The following LRRC4C variants were observed in gnomAD, a reference collection of about 807,000 sequenced individuals.
LRRC4C encodes the protein leucine rich repeat containing 4C.
A neutral mutation model predicts 33.6 loss-of-function variants in LRRC4C; 5 were observed. The observed-to-expected ratio is 0.15, with a 90% CI of 0.08 to 0.31. LRRC4C has a LOEUF of 0.31. Ranked by LOEUF, LRRC4C falls within the 10% of genes least tolerant of loss-of-function variation. The probability of loss-of-function intolerance (pLI) is 1.00; values close to 1 mark genes in which losing one functional copy is unlikely to be tolerated. For missense variants in LRRC4C, 560 were observed against 796.7 expected (o/e 0.70, Z 3.58); for synonymous variants, 329 against 302.0 (o/e 1.09, Z -0.93).
intron 2 of LRRC4C, among the ~76,000 whole-genome samples, chr11:40,924,615 GTA>G (rs1160144546): frequency 6.6e-6 from 1 of 152,072 alleles, no homozygotes; most frequent in Non-Finnish European, 1.5e-5. Context: ...AATTTGCCAT[GTA>G]CCTCAAATTA....
At chr11:40,301,245 T>A (rs963258333) in intron 4 of LRRC4C, among the ~76,000 whole-genome samples, 1 of 152,212 alleles carries the variant, frequency 6.6e-6, no homozygotes, top group African/African-American at 2.4e-5. Flanking sequence ...GGCCTTCAAC[T>A]CAGTTATCTT....
chr11:40,974,723 A>C (rs919881350), intron 1 of LRRC4C, among the ~76,000 whole-genome samples: 2 of 152,190 alleles, frequency 1.3e-5, no homozygotes, highest in Non-Finnish European at 2.9e-5. Context: ...GATTCAGTGG[A>C]CTAAGTGGGG....
rs1436933175 is a variant in LRRC4C, at chr11:40,218,627, TATGTATG to T, written c.-96+22885_-96+22891del. On this transcript the variant is annotated intron_variant, in intron 5 of 6. Coordinates refer to ENST00000528697, the MANE Select transcript of LRRC4C (RefSeq NM_001258419.2). ...GTATGTATGTATGTATGTATGTATG[TATGTATG>T]TATCTATTTATCTATCTATCATCTA... Among the ~76,000 whole-genome samples, 869 of 143,808 alleles carry T rather than the reference TATGTATG, an allele frequency of 6.0e-3. 19 individuals are homozygous for T. Among genetic ancestry groups the T allele is most frequent in the African/African-American group, 0.022 (796 of 36,398 alleles). 94.3% of individuals were successfully genotyped at this position (143,808 alleles called of 152,430 possible).
intron 3 of LRRC4C, among the ~76,000 whole-genome samples, chr11:40,598,591 T>TC (rs1959625068): frequency 6.6e-6 from 1 of 152,192 alleles, no homozygotes; most frequent in South Asian, 2.1e-4. Flanking sequence ...CTCTGTGCTA[T>TC]CCTCACAATA....
intron 1 of LRRC4C, among the ~76,000 whole-genome samples, chr11:41,081,666 G>C (rs1832880246): frequency 1.3e-5 from 2 of 152,038 alleles, no homozygotes; most frequent in Admixed American, 1.3e-4. Flanking sequence ...TTTTCTTAAA[G>C]TTGCATTTAC....
At chr11:41,456,566 G>A (rs1009096546) in intron 1 of LRRC4C, among the ~76,000 whole-genome samples, 4 of 152,050 alleles carry the variant, frequency 2.6e-5, no homozygotes, top group Non-Finnish European at 4.4e-5. Flanking sequence ...GAGAAGAAAC[G>A]GAATGTCCTT....
intron 3 of LRRC4C, among the ~76,000 whole-genome samples, chr11:40,506,844 G>T (rs10837429): frequency 0.18 from 27,581 of 151,798 alleles, 3,086 homozygotes; most frequent in African/African-American, 0.32. Context: ...ATTTATTTTA[G>T]GTTTAAGGTG....
intron 1 of LRRC4C, among the ~76,000 whole-genome samples, chr11:40,934,387 AT>A (rs1418074186): frequency 6.6e-6 from 1 of 152,058 alleles, no homozygotes; most frequent in Non-Finnish European, 1.5e-5. Flanking sequence ...CATGGAAAAT[AT>A]TTTATCTGCA....
chr11:41,443,089 A>ATTTTTTTTTTTTTTTTTT, intron 1 of LRRC4C, among the ~76,000 whole-genome samples: 10 of 105,994 alleles, frequency 9.4e-5, no homozygotes, highest in East Asian at 3.0e-4. Flanking sequence ...TGTTTGCTTC[A>ATTTTTTTTTTTTTTTTTT]TTTTTTTTTT....
intron 3 of LRRC4C, among the ~76,000 whole-genome samples, chr11:40,538,788 C>A (rs902878127): frequency 2.6e-5 from 4 of 152,164 alleles, no homozygotes; most frequent in African/African-American, 9.7e-5. Flanking sequence ...TATTTCTCCA[C>A]GTCCTCTGCA....
At chr11:41,020,797 C>T (rs1855909388) in intron 1 of LRRC4C, among the ~76,000 whole-genome samples, 3 of 152,150 alleles carry the variant, frequency 2.0e-5, no homozygotes, top group Admixed American at 2.0e-4. Flanking sequence ...GTTGGGACTT[C>T]CAAGTTGCTT....
At chr11:40,668,619 A>G (rs1452550428) in intron 2 of LRRC4C, among the ~76,000 whole-genome samples, 2 of 152,192 alleles carry the variant, frequency 1.3e-5, no homozygotes, top group Non-Finnish European at 2.9e-5. Context: ...TACCTGAGCA[A>G]AGCTCTGTTT....
intron 1 of LRRC4C, among the ~76,000 whole-genome samples, chr11:41,333,550 A>G (rs1269903831): frequency 1.3e-5 from 2 of 152,206 alleles, no homozygotes; most frequent in African/African-American, 4.8e-5. Flanking sequence ...CTAAAATTCA[A>G]GAGTATGGAA....
At chr11:40,773,906 G>A (rs1949868874) in intron 2 of LRRC4C, among the ~76,000 whole-genome samples, 1 of 151,766 alleles carries the variant, frequency 6.6e-6, no homozygotes, top group Non-Finnish European at 1.5e-5. Context: ...ATGATTCGGT[G>A]GTATATAATA....
chr11:41,281,087 C>A (rs1459367448), intron 1 of LRRC4C, among the ~76,000 whole-genome samples: 2 of 96,754 alleles, frequency 2.1e-5, no homozygotes, highest in African/African-American at 6.8e-5. Context: ...TCCTCTCTCT[C>A]TCTCTCTCTC....
chr11:41,052,948 A>G (rs1242704615), intron 1 of LRRC4C, among the ~76,000 whole-genome samples: 1 of 152,180 alleles, frequency 6.6e-6, no homozygotes, highest in Admixed American at 6.5e-5. Context: ...AGTCCATTAA[A>G]TCTAATTCAG....
chr11:40,606,852 A>G (rs953108964), intron 3 of LRRC4C, among the ~76,000 whole-genome samples: 2 of 152,204 alleles, frequency 1.3e-5, no homozygotes, highest in Admixed American at 6.5e-5. Context: ...CCAGATTCAT[A>G]AAGTGCAATA....
intron 2 of LRRC4C, among the ~76,000 whole-genome samples, chr11:40,665,308 TAAAAAA>T (rs55827045): frequency 0.01 from 442 of 43,350 alleles, 12 homozygotes; most frequent in African/African-American, 0.018. Context: ...ATTGCTTTCT[TAAAAAA>T]AAAAAAAAAA....
At chr11:40,417,130 T>TATG (rs1950351399) in intron 3 of LRRC4C, among the ~76,000 whole-genome samples, 1 of 152,234 alleles carries the variant, frequency 6.6e-6, no homozygotes, top group Admixed American at 6.5e-5. Flanking sequence ...TCATTAGCTA[T>TATG]ATGACCTTGG....
Sources: gnomAD v4.1 joint callset for allele counts (sites outside exome capture counted in the v4.1 genomes callset) on GRCh38, gnomAD v4.1.1 for gene constraint, MANE v1.5 for transcripts, NCBI Gene and HGNC (gene_info 2026-07-23, HGNC 2026-07-21) for gene names.